CIP2A: variants seen among roughly 807,000 people sequenced by gnomAD.
CIP2A encodes cellular inhibitor of PP2A, also known as protein CIP2A.
A neutral mutation model predicts 110.9 loss-of-function variants in CIP2A; 103 were observed. The ratio of observed to expected loss-of-function variants is 0.93; its 90% confidence interval spans 0.79 to 1.09. CIP2A has a LOEUF of 1.09. Among genes scored for constraint, CIP2A ranks in the 50% least tolerant of loss-of-function variants. The pLI is 0.00. For synonymous variants in CIP2A, 381 were observed against 361.6 expected, an observed-to-expected ratio of 1.05 and a Z score of -0.61; for missense variants, 1,088 against 1,038.4, an observed-to-expected ratio of 1.05 and a Z score of -0.66.
intron 5 of CIP2A, among the ~76,000 whole-genome samples, chr3:108,581,078 G>A (rs1938858501): frequency 6.6e-6 from 1 of 152,208 alleles, no homozygotes; most frequent in Admixed American, 6.5e-5. Context: ...AGATAAATGG[G>A]ACTGCCAGTG....
At chr3:108,560,127 T>C in intron 14 of CIP2A, 99 bp from the exon 15 acceptor site, 1 of 672,478 alleles carries the variant, frequency 1.5e-6, no homozygotes, top group African/African-American at 1.8e-5. Flanking sequence ...TAAAACTTAA[T>C]GATGAGTAAC....
chr3:108,551,528 C>T (rs1056641545), intron 20 of CIP2A, among the ~76,000 whole-genome samples: 11 of 152,132 alleles, frequency 7.2e-5, no homozygotes, highest in African/African-American at 2.4e-4. Context: ...ATTGAGAATA[C>T]ACTTTCAACT....
At chr3:108,586,928 T>TCTCTCTTTGCATA (rs1939061359) in intron 1 of CIP2A, among the ~76,000 whole-genome samples, 1 of 152,208 alleles carries the variant, frequency 6.6e-6, no homozygotes, top group Admixed American at 6.5e-5. Context: ...ATGATACCCA[T>TCTCTCTTTGCATA]CTCTCTTTGC....
intron 11 of CIP2A, 29 bp from the exon 12 acceptor site, chr3:108,565,483 A>G: frequency 1.6e-6 from 2 of 1,254,888 alleles, no homozygotes; most frequent in Non-Finnish European, 2.3e-6. Context: ...TTTAAATTAG[A>G]TAACTGAAAA....
chr3:108,569,167 A>AATATATAT (rs1559695577), intron 9 of CIP2A, among the ~76,000 whole-genome samples: 1 of 1,128 alleles, frequency 8.9e-4, no homozygotes, highest in Non-Finnish European at 3.8e-3. Flanking sequence ...TGAAATGAGC[A>AATATATAT]CTATATATAT....
chr3:108,572,673 G>A (rs190031828), intron 8 of CIP2A, among the ~76,000 whole-genome samples: 12 of 152,118 alleles, frequency 7.9e-5, no homozygotes, highest in African/African-American at 2.6e-4. Context: ...TATATTTACT[G>A]ATCTTGTATC....
In CIP2A at chr3:108,582,201, C is replaced by A; in HGVS notation, c.359G>T (p.Cys120Phe). 1 of 1,283,352 alleles carries A rather than the reference C, an allele frequency of 7.8e-7. No homozygotes were observed. The highest frequency in any genetic ancestry group is 1.1e-6 in the Non-Finnish European group (1 of 912,040). 79.5% of individuals were successfully genotyped at this position (1,283,352 alleles called of 1,614,324 possible). Residue 120 changes from cysteine (C) to phenylalanine (F), a missense_variant and splice_region_variant, in exon 4 of 21, where the codon TGC becomes TTC. Physicochemically the swap from Cys to Phe is radical, Grantham distance 205 (BLOSUM62 -2). Coordinates refer to ENST00000295746, the MANE Select transcript of CIP2A (RefSeq NM_020890.3). The part of the protein sequence containing the change: ...SSHTDSVFLQ[C>F]IQLLQKLTYN... ...TGTTAACTTCTGTAGAAGTTGAATGCACTGAGAATAAGAAAATAGTTATAA... is the reference window on the plus strand; with the variant it reads ...TGTTAACTTCTGTAGAAGTTGAATGAACTGAGAATAAGAAAATAGTTATAA...
At chr3:108,575,965 T>TAC (rs1224302529) in intron 8 of CIP2A, among the ~76,000 whole-genome samples, 4 of 150,938 alleles carry the variant, frequency 2.7e-5, no homozygotes, top group Non-Finnish European at 4.4e-5. Flanking sequence ...TGTATATATA[T>TAC]GTGTACATAT....
Position 108,570,526 on chromosome 3 carries a change from C to T in CIP2A, c.895-919G>A, listed in dbSNP as rs192688341. ...GAGCCTACTACGTCCCTTTATTGCC[C>T]GTGGGCTACAAAACTGTACAGAATA... On this transcript the variant is annotated intron_variant, in intron 8 of 20. Transcript: ENST00000295746. Among the ~76,000 whole-genome samples, 47 of 152,186 alleles carry T rather than the reference C, an allele frequency of 3.1e-4. No individual in the cohort carries two copies. The East Asian group carries it at 7.9e-3, about 26-fold the overall frequency.
intron 1 of CIP2A, among the ~76,000 whole-genome samples, chr3:108,587,930 C>T (rs1346236788): frequency 1.3e-5 from 2 of 152,134 alleles, no homozygotes; most frequent in South Asian, 2.1e-4. Context: ...AACAGAGAGA[C>T]GCCACGCCCA....
At chr3:108,557,663 TGCA>T (rs776897614) in intron 16 of CIP2A, among the ~76,000 whole-genome samples, 75 of 152,108 alleles carry the variant, frequency 4.9e-4, no homozygotes, top group South Asian at 6.2e-4. Context: ...TGGATACAAC[TGCA>T]GCAACATGAA....
At chr3:108,581,585 C>A (rs1938879799) in intron 4 of CIP2A, 74 bp from the exon 5 acceptor site, 5 of 830,118 alleles carry the variant, frequency 6.0e-6, no homozygotes, top group South Asian at 1.6e-5. Context: ...TATTCTAAGT[C>A]AAAATGATAT....
Position 108,589,278 on chromosome 3 carries a change from A to C in CIP2A, c.98T>G (p.Leu33Trp). 9 of 1,613,290 alleles carry C rather than the reference A, an allele frequency of 5.6e-6. No homozygotes were observed. The highest frequency in any genetic ancestry group is 7.6e-6 in the Non-Finnish European group (9 of 1,179,250). ...EANATQLLRH[L>W]EVISGQKLTR... is the part of the protein sequence containing the mutation. ...CTCTACCCCAGAGCCTCTCACCTCC[A>C]AGTGCCGCAAAAGCTGAGTGGCGTT... The change falls in exon 1 of 21, where the codon TTG becomes TGG. Residue 33 changes from leucine (L) to tryptophan (W), a missense_variant. Physicochemically the swap from Leu to Trp is moderately conservative, Grantham distance 61. Coordinates refer to ENST00000295746, the MANE Select transcript of CIP2A (RefSeq NM_020890.3).
chr3:108,554,347 T>C (rs747687403), intron 18 of CIP2A, 29 bp downstream of exon 18: 26 of 892,204 alleles, frequency 2.9e-5, no homozygotes, highest in Non-Finnish European at 4.3e-5. Context: ...AAATCCCACA[T>C]ATTCAGAATA....
Position 108,565,384 on chromosome 3 carries a change from T to A in CIP2A, c.1486A>T (p.Met496Leu), listed in dbSNP as rs747679350. The change falls in exon 12 of 21, where the codon ATG (methionine) becomes TTG (leucine). Residue 496 changes from methionine (M) to leucine (L), a missense_variant. Met to Leu is a conservative substitution (Grantham distance 15). Transcript: ENST00000295746. ...INKLKPLVPG[M>L]EVSFYKILQD... is the part of the protein sequence containing the mutation. Reference sequence around the variant, plus strand: ...AGTATTTTGTAGAAGCTTACTTCCATACCAGGAACCAATGGTTTAAGTTTG... The same window carrying A: ...AGTATTTTGTAGAAGCTTACTTCCAAACCAGGAACCAATGGTTTAAGTTTG... The A allele has an allele frequency of 6.3e-7, 1 of 1,596,778 alleles. No individual in the cohort carries two copies. The highest frequency in any genetic ancestry group is 8.5e-7 in the Non-Finnish European group (1 of 1,169,630).
chr3:108,582,378 T>C (rs1483621894), intron 3 of CIP2A, among the ~76,000 whole-genome samples, 176 bp from the exon 4 acceptor site: 1 of 152,226 alleles, frequency 6.6e-6, no homozygotes, highest in East Asian at 1.9e-4. Context: ...TTCACACATT[T>C]CTACGTATTC....
rs542670505 is a variant in CIP2A, at chr3:108,579,014, C to T, written c.818+267G>A. 7.9e-5 allele frequency among the ~76,000 whole-genome samples: 12 copies of T among 152,006 alleles called. No homozygotes were observed. In the South Asian group the frequency reaches 2.5e-3, roughly 32 times the overall value. On this transcript the variant is annotated intron_variant, in intron 7 of 20. Transcript: ENST00000295746. ...TAAAACTGGTTTTAAAATAAATTAG[C>T]CAAGATGTCTATATTTTGGAGAATG...
chr3:108,571,014 GAC>G (rs755291016), intron 8 of CIP2A, among the ~76,000 whole-genome samples: 11 of 151,846 alleles, frequency 7.2e-5, no homozygotes, highest in Non-Finnish European at 1.5e-4. Context: ...TAAAAACAAA[GAC>G]ACAAACACAG....
At chr3:108,586,768 A>C (rs1304364089) in intron 1 of CIP2A, among the ~76,000 whole-genome samples, 1 of 152,214 alleles carries the variant, frequency 6.6e-6, no homozygotes, top group Non-Finnish European at 1.5e-5. Flanking sequence ...TCATGCTTTT[A>C]ATCACTACAC....
Sources: gnomAD v4.1 joint callset for allele counts (sites outside exome capture counted in the v4.1 genomes callset) on GRCh38, gnomAD v4.1.1 for gene constraint, MANE v1.5 for transcripts, NCBI Gene and HGNC (gene_info 2026-07-23, HGNC 2026-07-21) for gene names.